The following SLC22A3 variants were observed in gnomAD, a reference collection of about 807,000 sequenced individuals.
SLC22A3 encodes the protein solute carrier family 22 member 3, also known as EMT organic cation transporter 3.
SLC22A3 carries 51 observed loss-of-function variants against 59.1 expected under a neutral mutation model. That is an observed-to-expected ratio of 0.86 (90% confidence interval 0.69 to 1.09). SLC22A3 has a LOEUF of 1.09. Ranked by LOEUF, SLC22A3 falls within the 50% of genes least tolerant of loss-of-function variation. SLC22A3 has a pLI of 0.00. For missense variants in SLC22A3, 711 were observed against 726.3 expected (o/e 0.98, Z 0.24); for synonymous variants, 325 against 292.0 (o/e 1.11, Z -1.15).
At chr6:160,419,816 T>C (rs887383289) in intron 5 of SLC22A3, among the ~76,000 whole-genome samples, 6 of 152,186 alleles carry the variant, frequency 3.9e-5, no homozygotes, top group Non-Finnish European at 5.9e-5. Flanking sequence ...TAAAAATATG[T>C]CAGGACACTG....
At chr6:160,412,638 G>A (rs1431846241) in intron 5 of SLC22A3, among the ~76,000 whole-genome samples, 2 of 152,136 alleles carry the variant, frequency 1.3e-5, no homozygotes, top group African/African-American at 4.8e-5. Context: ...CACTCTTTGA[G>A]TGAACACATT....
At chr6:160,353,408 C>G (rs1275359778) in intron 1 of SLC22A3, among the ~76,000 whole-genome samples, 1 of 152,136 alleles carries the variant, frequency 6.6e-6, no homozygotes, top group African/African-American at 2.4e-5. Context: ...CAAAGATACA[C>G]GAGTCTTTCT....
chr6:160,398,194 C>T (rs967329450), intron 2 of SLC22A3, 112 bp downstream of exon 2: 7 of 777,716 alleles, frequency 9.0e-6, no homozygotes, highest in African/African-American at 8.6e-5. Flanking sequence ...AATTCGCAAA[C>T]AATTCTTGAT....
At chr6:160,380,830 T>C (rs1785768756) in intron 1 of SLC22A3, among the ~76,000 whole-genome samples, 1 of 152,234 alleles carries the variant, frequency 6.6e-6, no homozygotes, top group African/African-American at 2.4e-5. Flanking sequence ...AAGTTCATTT[T>C]AGAGATTAAA....
intron 1 of SLC22A3, among the ~76,000 whole-genome samples, chr6:160,384,397 TCA>T (rs1785914875): frequency 6.6e-6 from 1 of 152,180 alleles, no homozygotes; most frequent in African/African-American, 2.4e-5. Context: ...TAATTTTTAC[TCA>T]GAATGTGGAT....
At chr6:160,438,502 T>C (rs1204232734) in intron 7 of SLC22A3, among the ~76,000 whole-genome samples, 2 of 152,078 alleles carry the variant, frequency 1.3e-5, no homozygotes, top group South Asian at 2.1e-4. Context: ...AGTTTATTAA[T>C]TAAATGAAGG....
intron 7 of SLC22A3, among the ~76,000 whole-genome samples, chr6:160,439,067 T>C (rs1490619182): frequency 1.3e-5 from 2 of 152,118 alleles, no homozygotes; most frequent in Non-Finnish European, 2.9e-5. Flanking sequence ...GGAATTAACA[T>C]ATTATAAGAG....
chr6:160,447,827 C>A lies in SLC22A3; in HGVS notation c.1610+9C>A, dbSNP rs1562506392. The A allele has an allele frequency of 6.2e-7, 1 of 1,600,052 alleles. No individual in the cohort carries two copies. Among genetic ancestry groups the A allele is most frequent in the East Asian group, 2.2e-5 (1 of 44,784 alleles). ...GTAGAAAAACTTGGCAGGTACTGTA[C>A]AAAATTCAATGCACCCTAAATAAAA... On this transcript the variant is annotated intron_variant, in intron 10 of 10. Transcript: ENST00000275300.
chr6:160,363,493 T>G (rs1455683582), intron 1 of SLC22A3, among the ~76,000 whole-genome samples: 1 of 152,132 alleles, frequency 6.6e-6, no homozygotes, highest in Non-Finnish European at 1.5e-5. Context: ...TTGTCACCCC[T>G]GGCAGGCGTG....
intron 1 of SLC22A3, among the ~76,000 whole-genome samples, chr6:160,396,121 G>A (rs1786459836): frequency 6.6e-6 from 1 of 152,196 alleles, no homozygotes; most frequent in Non-Finnish European, 1.5e-5. Flanking sequence ...TTTTAAGGAT[G>A]CAGGTTCCTA....
chr6:160,448,768 C>T (rs989127841), intron 10 of SLC22A3, among the ~76,000 whole-genome samples: 3 of 152,002 alleles, frequency 2.0e-5, no homozygotes, highest in African/African-American at 4.8e-5. Context: ...AATATGTGCC[C>T]TCTGTGGACA....
chr6:160,380,527 A>T (rs1785757511), intron 1 of SLC22A3, among the ~76,000 whole-genome samples: 1 of 152,196 alleles, frequency 6.6e-6, no homozygotes, highest in Non-Finnish European at 1.5e-5. Flanking sequence ...CTAAGAGAAC[A>T]TAACTTTATC....
At chr6:160,381,452 G>C (rs1422175803) in intron 1 of SLC22A3, among the ~76,000 whole-genome samples, 1 of 152,204 alleles carries the variant, frequency 6.6e-6, no homozygotes, top group Non-Finnish European at 1.5e-5. Flanking sequence ...AGAATACTGG[G>C]AAAAGTGTGA....
At chr6:160,398,215 A>G (rs1312534069) in intron 2 of SLC22A3, 133 bp downstream of exon 2, 25 of 670,984 alleles carry the variant, frequency 3.7e-5, no homozygotes, top group Admixed American at 6.2e-5. Flanking sequence ...TCCATCATTC[A>G]TGACATCCAC....
Position 160,402,915 on chromosome 6 carries a change from C to A in SLC22A3, c.534-4126C>A, listed in dbSNP as rs897632310. ...ACAATGTTTAAAGGGAAATTTATAG[C>A]ATTGAATACATATATTAGAAAAGAG... is the stretch of plus-strand genomic sequence containing the variant. On this transcript the variant is annotated intron_variant, in intron 2 of 10. Transcript: ENST00000275300. 4.6e-5 allele frequency among the ~76,000 whole-genome samples: 7 copies of A among 151,510 alleles called. No homozygotes were observed. The East Asian group carries it at 1.4e-3, about 29-fold the overall frequency.
chr6:160,445,272 G>T (rs1018341150), intron 9 of SLC22A3, among the ~76,000 whole-genome samples: 1 of 152,218 alleles, frequency 6.6e-6, no homozygotes, highest in Non-Finnish European at 1.5e-5. Context: ...GCTCCAGGCA[G>T]TGGAAAGTTC....
intron 5 of SLC22A3, among the ~76,000 whole-genome samples, chr6:160,434,805 AT>A (rs1377343922): frequency 6.6e-6 from 1 of 152,200 alleles, no homozygotes; most frequent in Admixed American, 6.5e-5. Flanking sequence ...TAGACATTAT[AT>A]TAGTTAAGAT....
At chr6:160,426,773 A>G (rs556270837) in intron 5 of SLC22A3, among the ~76,000 whole-genome samples, 3 of 152,266 alleles carry the variant, frequency 2.0e-5, no homozygotes, top group East Asian at 3.9e-4. Context: ...CGGTGTTTTC[A>G]TACATGTCCT....
intron 1 of SLC22A3, among the ~76,000 whole-genome samples, chr6:160,367,331 T>C (rs1227065881): frequency 6.6e-6 from 1 of 152,174 alleles, no homozygotes; most frequent in Non-Finnish European, 1.5e-5. Flanking sequence ...AAGAGCAGCA[T>C]GGAGGTAACT....
Sources: allele counts gnomAD v4.1 joint callset (sites outside exome capture counted in the v4.1 genomes callset), GRCh38; gene constraint gnomAD v4.1.1; transcripts MANE v1.5; gene names NCBI Gene and HGNC (gene_info 2026-07-23, HGNC 2026-07-21).